The following CDH7 variants were observed in gnomAD, a reference collection of about 807,000 sequenced individuals.
CDH7 encodes the protein cadherin-7.
A neutral mutation model predicts 71.8 loss-of-function variants in CDH7; 25 were observed. That is an observed-to-expected ratio of 0.35 (90% CI 0.25 to 0.49). The LOEUF is 0.49. CDH7 is among the 20% of genes least tolerant of loss of function. CDH7 has a pLI of 0.99. For missense variants in CDH7, 862 were observed against 974.6 expected (o/e 0.88, Z 1.54); for synonymous variants, 381 against 363.8 (o/e 1.05, Z -0.54).
intron 2 of CDH7, among the ~76,000 whole-genome samples, chr18:65,801,078 T>A (rs1468324335): frequency 6.6e-6 from 1 of 152,218 alleles, no homozygotes; most frequent in African/African-American, 2.4e-5. Flanking sequence ...TCTACACTGA[T>A]AGCATACCCC....
rs1473720159 is a variant in CDH7 at position 65,866,317 on chromosome 18, AAAAAAAAAAAAAAC to A, written c.1864+3414_1864+3427del. 5.3e-3 allele frequency: 25 copies of A among 4,748 alleles called. 4 individuals are homozygous for A. Among genetic ancestry groups the A allele is most frequent in the Admixed American group, 9.3e-3 (2 of 216 alleles). 0.3% of individuals were successfully genotyped at this position (4,748 alleles called of 1,614,324 possible). A position where few individuals can be genotyped will look rare whatever the true frequency, so the allele number is the denominator to read the frequency against. On this transcript the variant is annotated intron_variant, in intron 11 of 11. Coordinates refer to ENST00000397968, the MANE Select transcript of CDH7 (RefSeq NM_004361.5). ...CCGTCTCAAAAAAAAAAAAAAAACAAAAAAAAAAAAAAACAAAAAAAAAAAAAAAAAGAATGAAA... is the reference window on the plus strand; with the variant it reads ...CCGTCTCAAAAAAAAAAAAAAAACAAAAAAAAAAAAAAAAAAAGAATGAAA...
chr18:65,807,247 G>A (rs961721119), intron 2 of CDH7, among the ~76,000 whole-genome samples: 2 of 152,080 alleles, frequency 1.3e-5, no homozygotes, highest in Admixed American at 1.3e-4. Flanking sequence ...ACCCCGTAAT[G>A]TTTAATAAAA....
At chr18:65,787,195 A>G (rs1910546627) in intron 2 of CDH7, among the ~76,000 whole-genome samples, 1 of 152,194 alleles carries the variant, frequency 6.6e-6, no homozygotes, top group South Asian at 2.1e-4. Context: ...TTTCATATAT[A>G]TGTAGAAAGA....
intron 2 of CDH7, among the ~76,000 whole-genome samples, chr18:65,806,841 G>C (rs1417474501): frequency 1.3e-5 from 2 of 152,178 alleles, no homozygotes; most frequent in African/African-American, 4.8e-5. Flanking sequence ...GTTAGGATTA[G>C]TATAATGCAC....
chr18:65,860,576 A>G (rs1297750745), intron 10 of CDH7, among the ~76,000 whole-genome samples: 1 of 152,144 alleles, frequency 6.6e-6, no homozygotes, highest in East Asian at 1.9e-4. Flanking sequence ...TATTCAAGAT[A>G]TTTATTTTAG....
intron 2 of CDH7, among the ~76,000 whole-genome samples, chr18:65,770,873 GTATT>G (rs2143806492): frequency 6.6e-6 from 1 of 152,248 alleles, no homozygotes; most frequent in African/African-American, 2.4e-5. Flanking sequence ...ATTTCAGTAT[GTATT>G]TGTCTGTTCT....
chr18:65,832,793 T>C (rs1599037525), intron 6 of CDH7, among the ~76,000 whole-genome samples: 1 of 152,266 alleles, frequency 6.6e-6, no homozygotes, highest in East Asian at 1.9e-4. Flanking sequence ...TTAGGCACTT[T>C]AGTCTTTTTT....
At chr18:65,781,552 T>A (rs1385624747) in intron 2 of CDH7, among the ~76,000 whole-genome samples, 2 of 152,268 alleles carry the variant, frequency 1.3e-5, no homozygotes, top group African/African-American at 4.8e-5. Context: ...TTAGACATTT[T>A]AAAAGGCTAC....
In CDH7 at chr18:65,862,852, T is replaced by A. The variant is rs760364015; in HGVS notation, c.1799T>A (p.Val600Asp). 1.7e-5 allele frequency: 27 copies of A among 1,613,952 alleles called. No homozygotes were observed. Among genetic ancestry groups the A allele is most frequent in the Non-Finnish European group, 2.2e-5 (26 of 1,179,922 alleles). The change falls in exon 11 of 12, where the codon GTC (valine) becomes GAC (aspartate). Residue 600 changes from valine (V) to aspartate (D), a missense_variant. Transcript: ENST00000397968. ...CAGACCTGCAATGCAGAGGCCTATG[T>A]CCTACCTGCTGGCCTCAGTACAGGA... ...VAQTCNAEAY[V>D]LPAGLSTGAL...
chr18:65,883,106 G>A lies in CDH7; in HGVS notation c.*2212G>A, dbSNP rs976853836. 16 of 151,912 alleles carry A rather than the reference G, an allele frequency of 1.1e-4. No individual in the cohort carries two copies. Among genetic ancestry groups the A allele is most frequent in the Non-Finnish European group, 2.4e-4 (16 of 67,920 alleles). The allele number at this position is 151,912 out of a possible 1,614,324, so 9.4% of individuals were successfully genotyped here. A position where few individuals can be genotyped will look rare whatever the true frequency, so the allele number is the denominator to read the frequency against. ...TTTTTTCAAATGGTTACCAATGATAGATTGGAAAAAGAAAGGTTCATGTTT... is the reference window on the plus strand; with the variant it reads ...TTTTTTCAAATGGTTACCAATGATAAATTGGAAAAAGAAAGGTTCATGTTT... On this transcript the variant is annotated 3_prime_UTR_variant, in exon 12 of 12. Coordinates refer to ENST00000397968, the MANE Select transcript of CDH7 (RefSeq NM_004361.5).
chr18:65,777,774 G>T (rs1360043706), intron 2 of CDH7, among the ~76,000 whole-genome samples: 3 of 152,170 alleles, frequency 2.0e-5, no homozygotes, highest in South Asian at 4.2e-4. Flanking sequence ...CACCTTTGTT[G>T]GTTTGTTGCA....
intron 6 of CDH7, among the ~76,000 whole-genome samples, chr18:65,843,520 T>A (rs986994868): frequency 6.6e-6 from 1 of 152,200 alleles, no homozygotes; most frequent in East Asian, 1.9e-4. Flanking sequence ...GGAAAAAAAA[T>A]AAATTTGACC....
chr18:65,854,924 T>C (rs1913295082), intron 7 of CDH7, among the ~76,000 whole-genome samples: 1 of 141,634 alleles, frequency 7.1e-6, no homozygotes, highest in African/African-American at 2.5e-5. Flanking sequence ...TGTACACATA[T>C]ATATATATAC....
chr18:65,784,627 T>C (rs182600688), intron 2 of CDH7, among the ~76,000 whole-genome samples: 2 of 152,302 alleles, frequency 1.3e-5, no homozygotes, highest in East Asian at 3.9e-4. Flanking sequence ...ACTGTAGAAA[T>C]ACTGGCCTTA....
At chr18:65,858,611 T>A (rs1012898509) in intron 8 of CDH7, among the ~76,000 whole-genome samples, 39 of 152,024 alleles carry the variant, frequency 2.6e-4, no homozygotes, top group African/African-American at 9.4e-4. Context: ...TATACATTTA[T>A]ATATATGCAT....
intron 6 of CDH7, among the ~76,000 whole-genome samples, chr18:65,837,397 A>G (rs988863674): frequency 6.6e-6 from 1 of 152,232 alleles, no homozygotes; most frequent in Admixed American, 6.5e-5. Flanking sequence ...TAGGAAAGTA[A>G]ATGTTCTTGT....
intron 6 of CDH7, among the ~76,000 whole-genome samples, chr18:65,839,579 A>G (rs1912654895): frequency 6.6e-6 from 1 of 152,174 alleles, no homozygotes; most frequent in Admixed American, 6.5e-5. Flanking sequence ...CTAATCTTAC[A>G]TTTTTTAAAA....
chr18:65,750,289 C>G (rs1207835717), upstream of CDH7: 1 of 149,750 alleles, frequency 6.7e-6, no homozygotes, highest in African/African-American at 2.5e-5. Flanking sequence ...GCAAAACTAT[C>G]AAGCAAGAAA....
chr18:65,861,564 A>G (rs1306672997), intron 10 of CDH7, among the ~76,000 whole-genome samples: 1 of 152,210 alleles, frequency 6.6e-6, no homozygotes, highest in Non-Finnish European at 1.5e-5. Context: ...TCTCAAATTC[A>G]TACATTCTAA....
Sources: gnomAD v4.1 joint callset for allele counts (sites outside exome capture counted in the v4.1 genomes callset) on GRCh38, gnomAD v4.1.1 for gene constraint, MANE v1.5 for transcripts, NCBI Gene and HGNC (gene_info 2026-07-23, HGNC 2026-07-21) for gene names.